The following DAAM1 variants were observed in gnomAD, a reference collection of about 807,000 sequenced individuals.
The protein encoded by DAAM1 is disheveled-associated activator of morphogenesis 1.
In DAAM1, 52 loss-of-function variants were observed where a neutral mutation model predicts 130.0. The observed-to-expected ratio is 0.40, with a 90% CI of 0.32 to 0.50. DAAM1 has a LOEUF of 0.50. Ranked by LOEUF, DAAM1 falls within the 20% of genes least tolerant of loss-of-function variation. The pLI, the probability that DAAM1 is intolerant of heterozygous loss-of-function variation, is 0.61. For synonymous variants in DAAM1, 452 were observed against 444.5 expected, an observed-to-expected ratio of 1.02 and a Z score of -0.21; for missense variants, 1,134 against 1,303.8, an observed-to-expected ratio of 0.87 and a Z score of 2.01.
At chr14:59,260,726 A>G (rs1216621721) in intron 1 of DAAM1, among the ~76,000 whole-genome samples, 5 of 151,828 alleles carry the variant, frequency 3.3e-5, no homozygotes. Flanking sequence ...TACTAGGTCA[A>G]AATGTGTGAC....
At chr14:59,260,304 A>G (rs17095972) in intron 1 of DAAM1, among the ~76,000 whole-genome samples, 9,577 of 152,244 alleles carry the variant, frequency 0.063, 387 homozygotes, top group Non-Finnish European at 0.094. Context: ...TGAAAATAGT[A>G]TGTCTTCAAT....
Position 59,215,574 on chromosome 14 carries a change from G to A in DAAM1, c.-38+26806G>A, listed in dbSNP as rs1888552451. On this transcript the variant is annotated intron_variant, in intron 1 of 24. Coordinates refer to ENST00000360909, the MANE Select transcript of DAAM1 (RefSeq NM_001270520.2). ...TTAAAGGCCTGCACCAGGCCGAAGTGTTTGCATTTGCCCTGTCGGAGCTCA... is the reference window on the plus strand; with the variant it reads ...TTAAAGGCCTGCACCAGGCCGAAGTATTTGCATTTGCCCTGTCGGAGCTCA... 2.6e-5 allele frequency among the ~76,000 whole-genome samples: 4 copies of A among 152,220 alleles called. No homozygotes were observed. In the South Asian group the frequency reaches 8.3e-4, roughly 32 times the overall value.
At chr14:59,189,414 C>T (rs893133540) in intron 1 of DAAM1, among the ~76,000 whole-genome samples, 3 of 152,200 alleles carry the variant, frequency 2.0e-5, no homozygotes, top group Admixed American at 6.5e-5. Flanking sequence ...GGAGGGAGAG[C>T]AGGGTGTTGG....
At chr14:59,203,882 C>G (rs1308554413) in intron 1 of DAAM1, among the ~76,000 whole-genome samples, 3 of 152,170 alleles carry the variant, frequency 2.0e-5, no homozygotes, top group African/African-American at 7.2e-5. Context: ...GAACTCTTGC[C>G]TATAAAACTA....
At chr14:59,368,497 A>T (rs1887013176) in intron 24 of DAAM1, among the ~76,000 whole-genome samples, 153 bp from the exon 25 acceptor site, 9 of 152,076 alleles carry the variant, frequency 5.9e-5, no homozygotes, top group Admixed American at 5.9e-4. Flanking sequence ...CCCATGTTCC[A>T]ATTCCCCCTT....
chr14:59,255,362 C>T (rs563492021), intron 1 of DAAM1, among the ~76,000 whole-genome samples: 127 of 152,218 alleles, frequency 8.3e-4, no homozygotes, highest in African/African-American at 2.9e-3. Flanking sequence ...GACGTTTCTC[C>T]TATAAGCTTT....
At chr14:59,363,617 C>G (rs111922561) in intron 22 of DAAM1, 34 bp from the exon 23 acceptor site, 2 of 1,612,934 alleles carry the variant, frequency 1.2e-6, no homozygotes, top group Admixed American at 3.3e-5. Flanking sequence ...GTATTTGAAG[C>G]CTGCATTGAC....
chr14:59,335,532 A>C (rs1885592941), intron 15 of DAAM1, among the ~76,000 whole-genome samples: 2 of 152,192 alleles, frequency 1.3e-5, no homozygotes, highest in Non-Finnish European at 2.9e-5. Context: ...AGATGCTATA[A>C]ATTCATTTCT....
intron 13 of DAAM1, 85 bp from the exon 14 acceptor site, chr14:59,331,124 T>C: frequency 1.3e-6 from 2 of 1,542,258 alleles, no homozygotes; most frequent in Non-Finnish European, 1.7e-6. Flanking sequence ...ATAATAAACA[T>C]TTTAGGCCAA....
intron 1 of DAAM1, among the ~76,000 whole-genome samples, chr14:59,213,349 C>CAAAAAAA (rs35496333): frequency 4.2e-4 from 29 of 69,828 alleles, no homozygotes; most frequent in South Asian, 5.7e-4. Flanking sequence ...CACAGCTTAC[C>CAAAAAAA]AAAAAAAAAA....
chr14:59,203,721 T>A (rs745769503), intron 1 of DAAM1, among the ~76,000 whole-genome samples: 10 of 152,228 alleles, frequency 6.6e-5, no homozygotes, highest in Non-Finnish European at 1.2e-4. Flanking sequence ...GATAAAAAGC[T>A]TTCTTATACT....
intron 1 of DAAM1, among the ~76,000 whole-genome samples, chr14:59,203,994 A>T (rs1056723508): frequency 9.8e-5 from 15 of 152,376 alleles, no homozygotes; most frequent in Non-Finnish European, 1.9e-4. Context: ...ATTAAAAGTT[A>T]AATTGCCAAA....
chr14:59,264,158 A>G (rs1882323569), intron 2 of DAAM1: 1 of 174,734 alleles, frequency 5.7e-6, no homozygotes, highest in Non-Finnish European at 1.2e-5. Context: ...CAGCATCATT[A>G]TTTAGCCTAA....
intron 13 of DAAM1, 87 bp from the exon 14 acceptor site, chr14:59,331,122 C>G (rs770836290): frequency 1.3e-6 from 2 of 1,538,078 alleles, no homozygotes; most frequent in Non-Finnish European, 1.7e-6. Flanking sequence ...CTATAATAAA[C>G]ATTTTAGGCC....
intron 15 of DAAM1, 57 bp from the exon 16 acceptor site, chr14:59,340,017 T>C (rs994554797): frequency 1.4e-6 from 2 of 1,477,192 alleles, no homozygotes; most frequent in African/African-American, 1.4e-5. Context: ...AAAGTGTGTA[T>C]CTGAAGTCTG....
chr14:59,295,932 C>G (rs1394635382), intron 3 of DAAM1, among the ~76,000 whole-genome samples: 2 of 152,074 alleles, frequency 1.3e-5, no homozygotes, highest in Non-Finnish European at 2.9e-5. Flanking sequence ...ACCCACTTTG[C>G]TAGGTGTTAA....
At chr14:59,208,800 C>T (rs993195037) in intron 1 of DAAM1, among the ~76,000 whole-genome samples, 10 of 152,102 alleles carry the variant, frequency 6.6e-5, no homozygotes, top group African/African-American at 2.4e-4. Flanking sequence ...TCAGCACCAT[C>T]CCCTTGGTGA....
chr14:59,234,269 T>C (rs1360005114), intron 1 of DAAM1, among the ~76,000 whole-genome samples: 1 of 152,238 alleles, frequency 6.6e-6, no homozygotes, highest in East Asian at 1.9e-4. Context: ...GAGCATGGAA[T>C]GTTTTCCCTT....
intron 12 of DAAM1, 135 bp downstream of exon 12, chr14:59,327,126 G>T: frequency 6.7e-6 from 6 of 900,772 alleles, no homozygotes; most frequent in South Asian, 1.7e-5. Flanking sequence ...ATCTTTTAAG[G>T]GCATTTTGCA....
Sources: gnomAD v4.1 joint callset for allele counts (sites outside exome capture counted in the v4.1 genomes callset) on GRCh38, gnomAD v4.1.1 for gene constraint, MANE v1.5 for transcripts, NCBI Gene and HGNC (gene_info 2026-07-23, HGNC 2026-07-21) for gene names.